PDE4D: variants seen among roughly 807,000 people sequenced by gnomAD.
PDE4D encodes phosphodiesterase 4D.
PDE4D carries 24 observed loss-of-function variants against 87.4 expected under a neutral mutation model. The ratio of observed to expected loss-of-function variants is 0.27; its 90% confidence interval spans 0.20 to 0.39. The LOEUF (loss-of-function observed/expected upper bound fraction) is 0.39. PDE4D is among the 10% of genes least tolerant of loss of function. PDE4D has a pLI of 1.00. For synonymous variants in PDE4D, 384 were observed against 383.2 expected (o/e 1.00, Z -0.02); for missense variants, 714 against 1,041.0 (o/e 0.69, Z 4.32).
At chr5:59,551,868 T>G (rs1351823582) in intron 1 of PDE4D, among the ~76,000 whole-genome samples, 1 of 152,194 alleles carries the variant, frequency 6.6e-6, no homozygotes, top group Non-Finnish European at 1.5e-5. Context: ...TTCTTATTAT[T>G]TTCACTCATA....
intron 3 of PDE4D, among the ~76,000 whole-genome samples, chr5:59,906,935 T>C (rs1332274745): frequency 2.0e-5 from 3 of 152,148 alleles, no homozygotes; most frequent in Non-Finnish European, 4.4e-5. Flanking sequence ...CACGTGAATG[T>C]TCCTTGCAGC....
chr5:59,175,395 G>A (rs145805542), intron 5 of PDE4D, among the ~76,000 whole-genome samples: 13 of 151,928 alleles, frequency 8.6e-5, no homozygotes, highest in African/African-American at 3.1e-4. Context: ...AAAAATGTCA[G>A]GCATTGGGAC....
intron 1 of PDE4D, among the ~76,000 whole-genome samples, chr5:60,239,754 A>G (rs1225427617): frequency 6.6e-6 from 1 of 152,024 alleles, no homozygotes; most frequent in Non-Finnish European, 1.5e-5. Context: ...ACACAAAGGT[A>G]GTTTACAGAA....
intron 1 of PDE4D, among the ~76,000 whole-genome samples, chr5:59,300,134 A>AG (rs930199947): frequency 1.3e-5 from 2 of 151,368 alleles, no homozygotes; most frequent in African/African-American, 2.4e-5. Context: ...AAAAAAAAAA[A>AG]AAAGGCTTAC....
At chr5:59,900,239 C>CA (rs369200356) in intron 3 of PDE4D, among the ~76,000 whole-genome samples, 2,842 of 118,108 alleles carry the variant, frequency 0.024, 74 homozygotes, top group East Asian at 0.089. Flanking sequence ...GACTCCATAT[C>CA]AAAAAAAAAT....
At chr5:59,789,591 C>G (rs886401737) in intron 1 of PDE4D, among the ~76,000 whole-genome samples, 4 of 152,180 alleles carry the variant, frequency 2.6e-5, no homozygotes, top group African/African-American at 4.8e-5. Context: ...TCATTATATT[C>G]CCAGCTTTAT....
intron 1 of PDE4D, among the ~76,000 whole-genome samples, chr5:59,621,403 A>T (rs926518173): frequency 6.6e-6 from 1 of 152,212 alleles, no homozygotes; most frequent in Non-Finnish European, 1.5e-5. Flanking sequence ...TCTTGTCACC[A>T]TGGTGACTTT....
At chr5:59,544,961 A>G (rs1209292921) in intron 1 of PDE4D, among the ~76,000 whole-genome samples, 1 of 152,190 alleles carries the variant, frequency 6.6e-6, no homozygotes, top group Non-Finnish European at 1.5e-5. Context: ...GTGGATGGCA[A>G]CAGAAAATTT....
chr5:59,279,962 G>A (rs199720377), intron 1 of PDE4D, among the ~76,000 whole-genome samples: 12 of 152,008 alleles, frequency 7.9e-5, no homozygotes, highest in East Asian at 5.8e-4. Context: ...AATGGTGCAC[G>A]TACATTACTA....
At chr5:60,281,347 C>T (rs897183493) in intron 1 of PDE4D, among the ~76,000 whole-genome samples, 3 of 123,620 alleles carry the variant, frequency 2.4e-5, no homozygotes, top group African/African-American at 1.3e-4. Flanking sequence ...TTCAGATTTC[C>T]CTATTTCAGT....
intron 1 of PDE4D, among the ~76,000 whole-genome samples, chr5:59,350,617 T>A (rs1780372163): frequency 6.6e-6 from 1 of 152,146 alleles, no homozygotes; most frequent in African/African-American, 2.4e-5. Context: ...TACCACACAC[T>A]CTTCCAGGCA....
At chr5:60,328,961 C>G (rs1757052994) in intron 1 of PDE4D, among the ~76,000 whole-genome samples, 1 of 152,156 alleles carries the variant, frequency 6.6e-6, no homozygotes, top group African/African-American at 2.4e-5. Context: ...ACACACAGAC[C>G]TTGTTAAAAT....
At chr5:60,128,611 A>C (rs1312056408) in intron 2 of PDE4D, among the ~76,000 whole-genome samples, 1 of 152,264 alleles carries the variant, frequency 6.6e-6, no homozygotes, top group African/African-American at 2.4e-5. Flanking sequence ...AACCAGAAAC[A>C]TCAACTGACT....
intron 1 of PDE4D, among the ~76,000 whole-genome samples, chr5:59,467,646 C>G (rs1436366569): frequency 6.6e-6 from 1 of 152,134 alleles, no homozygotes; most frequent in Non-Finnish European, 1.5e-5. Context: ...ATCTCGAAAT[C>G]CACGGCCATA....
chr5:59,843,883 C>A (rs568999323), intron 1 of PDE4D, among the ~76,000 whole-genome samples: 1 of 152,182 alleles, frequency 6.6e-6, no homozygotes, highest in African/African-American at 2.4e-5. Context: ...TGGAATTTTG[C>A]TCCCCTCAAT....
At chr5:60,475,448 G>T (rs547853610) in intron 1 of PDE4D, among the ~76,000 whole-genome samples, 4 of 152,068 alleles carry the variant, frequency 2.6e-5, no homozygotes, top group Admixed American at 1.3e-4. Flanking sequence ...TAAGGCCAAG[G>T]TCTGGACATT....
intron 1 of PDE4D, among the ~76,000 whole-genome samples, chr5:59,788,261 G>C (rs1765384952): frequency 6.6e-6 from 1 of 152,188 alleles, no homozygotes; most frequent in African/African-American, 2.4e-5. Context: ...AAAAGGTCTA[G>C]TTAAAGACTA....
At chr5:59,884,794 A>G (rs1749925960) in intron 1 of PDE4D, among the ~76,000 whole-genome samples, 1 of 152,038 alleles carries the variant, frequency 6.6e-6, no homozygotes, top group African/African-American at 2.4e-5. Context: ...GAAAGTGGCT[A>G]TGTCTGTATA....
At chr5:60,357,737 C>T (rs1320398753) in intron 1 of PDE4D, among the ~76,000 whole-genome samples, 1 of 152,090 alleles carries the variant, frequency 6.6e-6, no homozygotes, top group African/African-American at 2.4e-5. Flanking sequence ...AAGTAGGATC[C>T]ATAGTGCATA....
Sources: allele counts gnomAD v4.1 joint callset (sites outside exome capture counted in the v4.1 genomes callset), GRCh38; gene constraint gnomAD v4.1.1; transcripts MANE v1.5; gene names NCBI Gene and HGNC (gene_info 2026-07-23, HGNC 2026-07-21).